Variants in POMGNT2 observed in about 807,000 individuals in gnomAD.
POMGNT2 encodes protein O-linked mannose N-acetylglucosaminyltransferase 2 (beta 1,4-), also known as protein O-linked-mannose beta-1,4-N-acetylglucosaminyltransferase 2.
A neutral mutation model predicts 37.8 loss-of-function variants in POMGNT2; 32 were observed. The observed-to-expected ratio is 0.85, with a 90% CI of 0.64 to 1.14. The LOEUF (loss-of-function observed/expected upper bound fraction) is 1.14. POMGNT2 is among the 50% of genes most tolerant of loss of function. The probability of loss-of-function intolerance (pLI) is 0.00; values close to 1 mark genes in which losing one functional copy is unlikely to be tolerated. For missense variants in POMGNT2, 705 were observed against 780.6 expected, an observed-to-expected ratio of 0.90 and a Z score of 1.15; for synonymous variants, 340 against 336.8, an observed-to-expected ratio of 1.01 and a Z score of -0.10.
At chr3:43,101,988 GC>G (rs2090022817) in intron 1 of POMGNT2, among the ~76,000 whole-genome samples, 1 of 152,096 alleles carries the variant, frequency 6.6e-6, no homozygotes, top group African/African-American at 2.4e-5. Context: ...GTCTAAAGCA[GC>G]CACCAGTAGA....
At position 43,080,865 on chromosome 3, in the gene POMGNT2, T is replaced by C. The variant is rs375192845; in HGVS notation, c.567A>G (p.Ala189=). 40 of 1,613,930 alleles carry C rather than the reference T, an allele frequency of 2.5e-5. No individual in the cohort carries two copies. Among genetic ancestry groups the C allele is most frequent in the Non-Finnish European group, 3.1e-5 (37 of 1,179,988 alleles). ...LRQFPGLAHE[A]RLFFMEGWGE... ...CCCAGCCCTCCATGAAGAAGAGCCG[T>C]GCCTCGTGGGCCAGGCCGGGAAACT... The change falls in exon 2 of 2, where the codon GCA becomes GCG. Residue 189 remains alanine, a synonymous_variant. Coordinates refer to ENST00000344697, the MANE Select transcript of POMGNT2 (RefSeq NM_032806.6).
chr3:43,100,657 A>G (rs1169919187), intron 1 of POMGNT2, among the ~76,000 whole-genome samples: 1 of 152,198 alleles, frequency 6.6e-6, no homozygotes, highest in East Asian at 1.9e-4. Flanking sequence ...TATTATTAAC[A>G]TATGGTTTCT....
Position 43,080,037 on chromosome 3 carries a change from C to A in POMGNT2, c.1395G>T (p.Val465=). The change falls in exon 2 of 2, where the codon GTG becomes GTT. Residue 465 remains valine (V), a synonymous_variant. Coordinates refer to ENST00000344697, the MANE Select transcript of POMGNT2 (RefSeq NM_032806.6). Reference sequence around the variant, plus strand: ...GCTTCCGTGGTCCTGGCCGGCCCTTCACCACGCGCCGTATGGTTTGAATGA... The same window carrying A: ...GCTTCCGTGGTCCTGGCCGGCCCTTAACCACGCGCCGTATGGTTTGAATGA... The part of the protein sequence containing the change: ...PSLIQTIRRV[V]KGRPGPRKQK... 1 of 1,613,878 alleles carries A rather than the reference C, an allele frequency of 6.2e-7. No homozygotes were observed. Among genetic ancestry groups the A allele is most frequent in the South Asian group, 1.1e-5 (1 of 91,078 alleles).
intron 1 of POMGNT2, among the ~76,000 whole-genome samples, chr3:43,104,139 C>T (rs762298026): frequency 6.6e-6 from 1 of 152,170 alleles, no homozygotes; most frequent in Non-Finnish European, 1.5e-5. Flanking sequence ...CCCAGTGATA[C>T]ACAGCAATTA....
chr3:43,092,718 T>G lies in POMGNT2; in HGVS notation c.-105-11182A>C, dbSNP rs373932917. ...CCCGACAGGGGGATACTGATCACTG[T>G]GGAAGATGGTGGAGTTCTTTATATA... On this transcript the variant is annotated intron_variant, in intron 1 of 1. Transcript: ENST00000344697. Among the ~76,000 whole-genome samples, 16 of 152,344 alleles carry G rather than the reference T, an allele frequency of 1.1e-4. No homozygotes were observed. The East Asian group carries it at 1.9e-3, about 18-fold the overall frequency.
At position 43,089,170 on chromosome 3, in the gene POMGNT2, G is replaced by A. The variant is rs1473266533; in HGVS notation, c.-105-7634C>T. 4.6e-5 allele frequency among the ~76,000 whole-genome samples: 7 copies of A among 152,224 alleles called. No individual in the cohort carries two copies. In the East Asian group the frequency reaches 7.7e-4, roughly 17 times the overall value. The stretch of plus-strand genomic sequence containing the variant: ...CAGGTGACACCTGCCAGTAGGGAAC[G>A]AGAACTAAGGCCACCAAAGTGTCAC... On this transcript the variant is annotated intron_variant, in intron 1 of 1. Transcript: ENST00000344697.
At chr3:43,083,786 A>G (rs1363750697) in intron 1 of POMGNT2, among the ~76,000 whole-genome samples, 2 of 152,150 alleles carry the variant, frequency 1.3e-5, no homozygotes, top group African/African-American at 4.8e-5. Context: ...ATCATCTATT[A>G]TATTCACCCA....
At chr3:43,085,280 C>A (rs1268312351) in intron 1 of POMGNT2, among the ~76,000 whole-genome samples, 1 of 152,094 alleles carries the variant, frequency 6.6e-6, no homozygotes, top group Non-Finnish European at 1.5e-5. Flanking sequence ...CAGCTGGTTA[C>A]CCCTAGGCAA....
chr3:43,084,089 C>A (rs1350543984), intron 1 of POMGNT2, among the ~76,000 whole-genome samples: 1 of 152,168 alleles, frequency 6.6e-6, no homozygotes, highest in Non-Finnish European at 1.5e-5. Flanking sequence ...GGAACTGCTA[C>A]CCTTCGAATT....
intron 1 of POMGNT2, among the ~76,000 whole-genome samples, chr3:43,084,518 G>A (rs1258112586): frequency 6.6e-6 from 1 of 152,046 alleles, no homozygotes; most frequent in Non-Finnish European, 1.5e-5. Context: ...GGTGGCGGGC[G>A]CCTGTAGTCC....
intron 1 of POMGNT2, among the ~76,000 whole-genome samples, chr3:43,088,928 G>C (rs1185762785): frequency 6.6e-6 from 1 of 152,220 alleles, no homozygotes; most frequent in Non-Finnish European, 1.5e-5. Flanking sequence ...CTGGTATGGA[G>C]GGAGAACTTG....
intron 1 of POMGNT2, among the ~76,000 whole-genome samples, chr3:43,104,974 C>T (rs1394974488): frequency 6.6e-6 from 1 of 152,204 alleles, no homozygotes; most frequent in Non-Finnish European, 1.5e-5. Flanking sequence ...TTGTAGTAAA[C>T]ATTTGGTGAA....
At chr3:43,085,763 C>CAA (rs535364234) in intron 1 of POMGNT2, among the ~76,000 whole-genome samples, 1,572 of 143,368 alleles carry the variant, frequency 0.011, 23 homozygotes, top group African/African-American at 0.038. Context: ...GTATTTACAG[C>CAA]AAAAAAAAAA....
rs2090056846 is a variant in POMGNT2, at chr3:43,105,975, C to A, written c.-245G>T. 1 of 151,670 alleles carries A rather than the reference C, an allele frequency of 6.6e-6. No individual in the cohort carries two copies. Among genetic ancestry groups the A allele is most frequent in the South Asian group, 2.1e-4 (1 of 4,830 alleles). 9.4% of individuals were successfully genotyped at this position (151,670 alleles called of 1,614,324 possible). A position where few individuals can be genotyped will look rare whatever the true frequency, so the allele number is the denominator to read the frequency against. ...AGGCCCAGAAGGCCCAGGCAGCCAGCACAGGTTTGGCCGCGCCGCCGGGTT... is the reference window on the plus strand; with the variant it reads ...AGGCCCAGAAGGCCCAGGCAGCCAGAACAGGTTTGGCCGCGCCGCCGGGTT... On this transcript the variant is annotated 5_prime_UTR_variant, in exon 1 of 2. Transcript: ENST00000344697.
At chr3:43,088,972 G>A (rs2089920829) in intron 1 of POMGNT2, among the ~76,000 whole-genome samples, 1 of 152,342 alleles carries the variant, frequency 6.6e-6, no homozygotes, top group Non-Finnish European at 1.5e-5. Flanking sequence ...CAAACATGCA[G>A]GGTCTGGCTG....
intron 1 of POMGNT2, among the ~76,000 whole-genome samples, chr3:43,101,754 C>G (rs547864175): frequency 5.3e-5 from 8 of 152,304 alleles, no homozygotes; most frequent in African/African-American, 1.9e-4. Flanking sequence ...CCATAAGTAT[C>G]AGTAAAGGCT....
chr3:43,091,510 C>G (rs1264123710), intron 1 of POMGNT2, among the ~76,000 whole-genome samples: 1 of 152,174 alleles, frequency 6.6e-6, no homozygotes, highest in Non-Finnish European at 1.5e-5. Flanking sequence ...AAATAGATCA[C>G]CATTTGGCAA....
intron 1 of POMGNT2, among the ~76,000 whole-genome samples, chr3:43,104,566 C>T (rs989449103): frequency 6.6e-6 from 1 of 152,162 alleles, no homozygotes; most frequent in Non-Finnish European, 1.5e-5. Flanking sequence ...TGCTGACCAC[C>T]CCTGGGGATG....
intron 1 of POMGNT2, chr3:43,090,610 C>T (rs1162659374): frequency 6.6e-6 from 1 of 151,058 alleles, no homozygotes; most frequent in Non-Finnish European, 1.5e-5. Flanking sequence ...AAGCCAGGAG[C>T]TAGAAAGAAA....
Sources: gnomAD v4.1 joint callset for allele counts (sites outside exome capture counted in the v4.1 genomes callset) on GRCh38, gnomAD v4.1.1 for gene constraint, MANE v1.5 for transcripts, NCBI Gene and HGNC (gene_info 2026-07-23, HGNC 2026-07-21) for gene names.